Variants in CLXN observed in about 807,000 individuals in gnomAD.
CLXN encodes the protein EF-hand calcium binding domain 1.
the CLXN span, among the ~76,000 whole-genome samples, chr8:48,725,327 T>G: frequency 1.3e-5 from 2 of 151,972 alleles, no homozygotes; most frequent in African/African-American, 4.8e-5. Context: ...TAGGAAGAAG[T>G]GATAGTAGTT....
At chr8:48,734,989 A>T in the CLXN span, 1 of 1,308,062 alleles carries the variant, frequency 7.6e-7, no homozygotes, top group Non-Finnish European at 1.1e-6. Flanking sequence ...TAGCCCACAG[A>T]GTCCCAGCAG....
chr8:48,730,268 G>A, the CLXN span: 2 of 354,202 alleles, frequency 5.6e-6, no homozygotes, highest in African/African-American at 2.1e-5. Context: ...ACATATAAAT[G>A]TATATGTACA....
At chr8:48,730,552 C>T in the CLXN span, 9 of 1,607,910 alleles carry the variant, frequency 5.6e-6, no homozygotes, top group Non-Finnish European at 7.7e-6. Context: ...TTCATTTTTT[C>T]TTCCAAAGAT....
chr8:48,729,706 T>C, the CLXN span: 4 of 1,587,702 alleles, frequency 2.5e-6, no homozygotes, highest in Non-Finnish European at 3.4e-6. Context: ...AAACTTGACA[T>C]TACCCATATT....
At chr8:48,729,193 C>A in the CLXN span, 1 of 1,423,476 alleles carries the variant, frequency 7.0e-7, no homozygotes. Flanking sequence ...ATGATTACTG[C>A]AAATACATGC....
the CLXN span, chr8:48,729,110 A>T: frequency 6.2e-7 from 1 of 1,613,530 alleles, no homozygotes; most frequent in Non-Finnish European, 8.5e-7. Flanking sequence ...GCCAGTTCAT[A>T]GTCTGCAAAA....
chr8:48,720,537 T>C, the CLXN span, among the ~76,000 whole-genome samples: 2 of 152,318 alleles, frequency 1.3e-5, no homozygotes, highest in Admixed American at 1.3e-4. Context: ...CCCTGGTTAA[T>C]TTGTGGTCAG....
the CLXN span, among the ~76,000 whole-genome samples, chr8:48,726,350 A>G: frequency 2.9e-4 from 42 of 145,456 alleles, no homozygotes; most frequent in South Asian, 2.7e-3. Context: ...CCACCCATCC[A>G]CCCACTCATC....
chr8:48,720,156 A>C, the CLXN span, among the ~76,000 whole-genome samples: 17 of 152,344 alleles, frequency 1.1e-4, no homozygotes, highest in African/African-American at 1.4e-4. Context: ...TAACTGTACA[A>C]ATTAATTGTA....
At chr8:48,729,552 A>G in the CLXN span, among the ~76,000 whole-genome samples, 1 of 151,910 alleles carries the variant, frequency 6.6e-6, no homozygotes, top group Admixed American at 6.6e-5. Flanking sequence ...GAAAAATAAG[A>G]GGTTAGGTGG....
chr8:48,725,150 C>T, the CLXN span, among the ~76,000 whole-genome samples: 1 of 152,108 alleles, frequency 6.6e-6, no homozygotes, highest in Non-Finnish European at 1.5e-5. Context: ...ACAATCAAGG[C>T]ACAGCCGGGC....
chr8:48,734,147 C>A, the CLXN span, among the ~76,000 whole-genome samples: 1 of 152,144 alleles, frequency 6.6e-6, no homozygotes, highest in African/African-American at 2.4e-5. Flanking sequence ...TTAGAATGCA[C>A]TAGATCTTAC....
the CLXN span, among the ~76,000 whole-genome samples, chr8:48,717,647 T>C: frequency 6.6e-6 from 1 of 152,166 alleles, no homozygotes; most frequent in Non-Finnish European, 1.5e-5. Context: ...AATGCAACAC[T>C]GTAGTATGTA....
the CLXN span, among the ~76,000 whole-genome samples, chr8:48,722,353 A>ATAGAAAGCAGT: frequency 6.6e-6 from 1 of 152,208 alleles, no homozygotes; most frequent in Non-Finnish European, 1.5e-5. Context: ...TACAGCTAGT[A>ATAGAAAGCAGT]TAGAAAGCAG....
chr8:48,731,523 A>T, the CLXN span: 1 of 1,569,934 alleles, frequency 6.4e-7, no homozygotes. Flanking sequence ...TAAAATAGAT[A>T]TAACAAAAAT....
chr8:48,714,922 C>T, the CLXN span: 1 of 152,114 alleles, frequency 6.6e-6, no homozygotes, highest in African/African-American at 2.4e-5. Flanking sequence ...TCTGACATGT[C>T]AATGGCATGA....
At chr8:48,711,917 A>C in the CLXN span, 1 of 152,250 alleles carries the variant, frequency 6.6e-6, no homozygotes, top group African/African-American at 2.4e-5. Flanking sequence ...GGGAGAAATT[A>C]GTGAGACAAT....
At chr8:48,735,279 G>A in the CLXN span, 1 of 1,090,778 alleles carries the variant, frequency 9.2e-7, no homozygotes, top group Non-Finnish European at 1.4e-6. Context: ...GATCTCGTGC[G>A]CGGCCCTAAC....
chr8:48,729,395 C>T, the CLXN span, among the ~76,000 whole-genome samples: 11 of 151,432 alleles, frequency 7.3e-5, no homozygotes, highest in Non-Finnish European at 1.0e-4. Context: ...TGGTGGTATG[C>T]GCCTGTAGTC....
Sources: gnomAD v4.1 joint callset for allele counts (sites outside exome capture counted in the v4.1 genomes callset) on GRCh38, gnomAD v4.1.1 for gene constraint, MANE v1.5 for transcripts, NCBI Gene and HGNC (gene_info 2026-07-23, HGNC 2026-07-21) for gene names.